IARS1: variants seen among roughly 807,000 people sequenced by gnomAD.
IARS1 encodes isoleucine--tRNA ligase, cytoplasmic.
In IARS1, 124 loss-of-function variants were observed where a neutral mutation model predicts 168.2. The observed-to-expected ratio is 0.74, with a 90% CI of 0.64 to 0.86. The LOEUF (loss-of-function observed/expected upper bound fraction) is 0.86, where lower values mean the gene tolerates loss of function less well. Ranked by LOEUF, IARS1 falls within the 40% of genes least tolerant of loss-of-function variation. The pLI, the probability that IARS1 is intolerant of heterozygous loss-of-function variation, is 0.00. For synonymous variants in IARS1, 532 were observed against 529.4 expected, an observed-to-expected ratio of 1.00 and a Z score of -0.07; for missense variants, 1,452 against 1,515.8, an observed-to-expected ratio of 0.96 and a Z score of 0.70.
intron 2 of IARS1, 40 bp from the exon 3 acceptor site, chr9:92,288,322 G>T: frequency 6.3e-7 from 1 of 1,596,488 alleles, no homozygotes; most frequent in Non-Finnish European, 8.6e-7. Flanking sequence ...TTTAAAAACA[G>T]CCAAAATTTA....
intron 31 of IARS1, among the ~76,000 whole-genome samples, chr9:92,227,646 C>T (rs906965641): frequency 6.6e-6 from 1 of 151,240 alleles, no homozygotes; most frequent in Non-Finnish European, 1.5e-5. Context: ...AGAGGGTCTC[C>T]TCACTTCTCA....
At position 92,210,726 on chromosome 9, in the gene IARS1, T is replaced by G; in HGVS notation, c.*81A>C. The G allele has an allele frequency of 1.2e-6, 1 of 813,372 alleles. No individual in the cohort carries two copies. Among genetic ancestry groups the G allele is most frequent in the Non-Finnish European group, 2.2e-6 (1 of 456,542 alleles). 50.4% of individuals were successfully genotyped at this position (813,372 alleles called of 1,614,324 possible). On this transcript the variant is annotated 3_prime_UTR_variant, in exon 34 of 34. Transcript: ENST00000443024. The stretch of plus-strand genomic sequence containing the variant: ...GAAGGAAATATCTTCAGTGTGTTCA[T>G]GTGTGTGTCTATGTGCATGTATGTG...
chr9:92,235,045 C>T (rs1156996691), intron 30 of IARS1, among the ~76,000 whole-genome samples: 2 of 152,064 alleles, frequency 1.3e-5, no homozygotes, highest in African/African-American at 2.4e-5. Flanking sequence ...CCATGTTGGC[C>T]GGGCTGGTCT....
At chr9:92,288,913 G>C (rs912110750) in intron 2 of IARS1, among the ~76,000 whole-genome samples, 11 of 152,090 alleles carry the variant, frequency 7.2e-5, no homozygotes, top group Non-Finnish European at 1.5e-4. Context: ...GATTAATAAA[G>C]AGTATCTGCT....
At chr9:92,284,773 A>C (rs62565130) in intron 6 of IARS1, among the ~76,000 whole-genome samples, 14,745 of 152,248 alleles carry the variant, frequency 0.097, 1,281 homozygotes, top group African/African-American at 0.23. Flanking sequence ...TGACTCAAAC[A>C]AACAAACAAA....
At chr9:92,241,656 C>T (rs1828421710) in intron 29 of IARS1, among the ~76,000 whole-genome samples, 1 of 152,138 alleles carries the variant, frequency 6.6e-6, no homozygotes, top group African/African-American at 2.4e-5. Flanking sequence ...TGATCTACTT[C>T]TAAGTTATAA....
intron 20 of IARS1, among the ~76,000 whole-genome samples, chr9:92,254,908 A>T (rs929969840): frequency 1.3e-5 from 2 of 152,214 alleles, no homozygotes; most frequent in Non-Finnish European, 2.9e-5. Flanking sequence ...CAGGCAGACC[A>T]GGCTCCAGCC....
chr9:92,275,563 AAGAC>A (rs138923196), intron 9 of IARS1, among the ~76,000 whole-genome samples: 265 of 152,344 alleles, frequency 1.7e-3, no homozygotes, highest in African/African-American at 6.0e-3. Flanking sequence ...TTTAAACAGA[AAGAC>A]AGAATACATG....
chr9:92,212,517 G>A (rs1446070494), intron 33 of IARS1, among the ~76,000 whole-genome samples: 1 of 152,142 alleles, frequency 6.6e-6, no homozygotes, highest in African/African-American at 2.4e-5. Context: ...ATACAGACAT[G>A]GTTCTACCCC....
At position 92,214,574 on chromosome 9, in the gene IARS1, C is replaced by T. The variant is rs1035481590; in HGVS notation, c.3707-3685G>A. Among the ~76,000 whole-genome samples the T allele has an allele frequency of 1.8e-4, 27 of 151,378 alleles. No homozygotes were observed. In the Middle Eastern group the frequency reaches 0.014, roughly 77 times the overall value. On this transcript the variant is annotated intron_variant, in intron 33 of 33. Coordinates refer to ENST00000443024, the MANE Select transcript of IARS1 (RefSeq NM_002161.6). Reference sequence around the variant, plus strand: ...GGTCAGTGGGTGCACGCACCGTGCGCGAGCCGAAGCAGGGCGAGGCATTGC... The same window carrying T: ...GGTCAGTGGGTGCACGCACCGTGCGTGAGCCGAAGCAGGGCGAGGCATTGC...
intron 21 of IARS1, 84 bp from the exon 22 acceptor site, chr9:92,251,969 A>G (rs1830063114): frequency 2.1e-6 from 2 of 968,394 alleles, no homozygotes; most frequent in Non-Finnish European, 3.2e-6. Context: ...AAAAGAGGCA[A>G]TCTTCAAAGA....
intron 26 of IARS1, among the ~76,000 whole-genome samples, chr9:92,245,571 C>T (rs776417982): frequency 6.6e-6 from 1 of 152,126 alleles, no homozygotes; most frequent in Non-Finnish European, 1.5e-5. Context: ...ATGTGAACAG[C>T]TGCTGATGTT....
At chr9:92,219,272 A>G (rs908378887) in intron 33 of IARS1, among the ~76,000 whole-genome samples, 2 of 151,920 alleles carry the variant, frequency 1.3e-5, no homozygotes, top group African/African-American at 4.8e-5. Flanking sequence ...AAAAATCAAG[A>G]TGGATTAAAG....
At chr9:92,261,747 C>T (rs1017404012) in intron 17 of IARS1, among the ~76,000 whole-genome samples, 9 of 151,648 alleles carry the variant, frequency 5.9e-5, no homozygotes, top group African/African-American at 2.2e-4. Context: ...GATCTCAATA[C>T]AATTTCCCCC....
intron 31 of IARS1, among the ~76,000 whole-genome samples, chr9:92,224,270 C>T (rs544174075): frequency 3.0e-4 from 46 of 152,188 alleles, no homozygotes; most frequent in Non-Finnish European, 5.6e-4. Context: ...GTCTTAACGG[C>T]CCTGTTCTGA....
chr9:92,288,258 A>C lies in IARS1; in HGVS notation c.144T>G (p.Pro48=), dbSNP rs138787689. ...CATAGTGAGGCAGTCCAGTTGCAAA[A>C]GGAGGACCATCATAGAAGGTAAATC... The part of the protein sequence containing the change: ...KPKFTFYDGP[P]FATGLPHYGH... Residue 48 remains proline, a synonymous_variant, in exon 3 of 34, where the codon CCT becomes CCG. Transcript: ENST00000443024. The C allele has an allele frequency of 2.9e-5, 46 of 1,613,974 alleles. No homozygotes were observed. Among genetic ancestry groups the C allele is most frequent in the Admixed American group, 5.0e-5 (3 of 60,002 alleles).
At chr9:92,286,462 G>T in intron 5 of IARS1, 74 bp downstream of exon 5, 2 of 750,600 alleles carry the variant, frequency 2.7e-6, no homozygotes, top group South Asian at 1.8e-5. Flanking sequence ...ACTGATTCAT[G>T]CTAGTGCATT....
intron 31 of IARS1, among the ~76,000 whole-genome samples, chr9:92,223,955 C>A (rs1407452932): frequency 6.6e-6 from 1 of 152,194 alleles, no homozygotes; most frequent in African/African-American, 2.4e-5. Context: ...GGGATGCATG[C>A]GCAGGCAGAT....
At chr9:92,262,756 A>T (rs1486424801) in intron 17 of IARS1, among the ~76,000 whole-genome samples, 1 of 152,248 alleles carries the variant, frequency 6.6e-6, no homozygotes, top group East Asian at 1.9e-4. Flanking sequence ...TAGTAATATC[A>T]CTAGTAGCAT....
Sources: gnomAD v4.1 joint callset for allele counts (sites outside exome capture counted in the v4.1 genomes callset) on GRCh38, gnomAD v4.1.1 for gene constraint, MANE v1.5 for transcripts, NCBI Gene and HGNC (gene_info 2026-07-23, HGNC 2026-07-21) for gene names.